The following NAV2 variants were observed in gnomAD, a reference collection of about 807,000 sequenced individuals.
NAV2 encodes the protein neuron navigator 2.
NAV2 carries 54 observed loss-of-function variants against 223.2 expected under a neutral mutation model. That is an observed-to-expected ratio of 0.24 (90% CI 0.19 to 0.30). NAV2 has a LOEUF of 0.30. Among genes scored for constraint, NAV2 ranks in the 10% least tolerant of loss-of-function variants. The pLI is 1.00. For synonymous variants in NAV2, 1,279 were observed against 1,239.3 expected (o/e 1.03, Z -0.67); for missense variants, 2,806 against 3,147.5 (o/e 0.89, Z 2.60).
At chr11:19,978,131 G>GT (rs1555177101) in intron 10 of NAV2, among the ~76,000 whole-genome samples, 33 of 150,408 alleles carry the variant, frequency 2.2e-4, no homozygotes, top group African/African-American at 6.6e-4. Flanking sequence ...AGCAAGGTCA[G>GT]TTTTTTTTTC....
intron 1 of NAV2, among the ~76,000 whole-genome samples, chr11:19,723,476 G>A (rs1163231633): frequency 6.6e-6 from 1 of 152,168 alleles, no homozygotes. Flanking sequence ...ATTGAAGGAG[G>A]CCTGAGTCCC....
intron 3 of NAV2, among the ~76,000 whole-genome samples, chr11:19,865,869 TC>T (rs2062057808): frequency 1.2e-5 from 1 of 84,462 alleles, no homozygotes; most frequent in Non-Finnish European, 2.6e-5. Flanking sequence ...GTGCTCTGAT[TC>T]TTCTAGAGAA....
At position 20,100,932 on chromosome 11, in the gene NAV2, T is replaced by C; in HGVS notation, c.6182-5T>C. On this transcript the variant is annotated splice_region_variant and splice_polypyrimidine_tract_variant and intron_variant, in intron 31 of 37. Coordinates refer to ENST00000349880, the MANE Select transcript of NAV2 (RefSeq NM_145117.5). ...TCAGATGATTCCTGTCTCTCTCAAA[T>C]GCAGGGCTCGCAGAAAACAGCCTGG... 2 of 1,613,308 alleles carry C rather than the reference T, an allele frequency of 1.2e-6. No homozygotes were observed. The highest frequency in any genetic ancestry group is 1.7e-6 in the Non-Finnish European group (2 of 1,179,288).
In NAV2 at chr11:19,713,558, A is replaced by T; in HGVS notation, c.-138A>T. The T allele has an allele frequency of 2.3e-6, 3 of 1,287,134 alleles. No individual in the cohort carries two copies. The highest frequency in any genetic ancestry group is 2.0e-6 in the Non-Finnish European group (2 of 997,270). 79.7% of individuals were successfully genotyped at this position (1,287,134 alleles called of 1,614,324 possible). A position where few individuals can be genotyped will look rare whatever the true frequency, so the allele number is the denominator to read the frequency against. ...TTGCTTCGAGTTCCCCGACCTGGGG[A>T]TTTTTTTTTTAGCCGCTGGTGGTGG... On this transcript the variant is annotated 5_prime_UTR_variant, in exon 1 of 38. Coordinates refer to ENST00000349880, the MANE Select transcript of NAV2 (RefSeq NM_145117.5). This position sits in a 1 kb window ranked among gnomAD's most constrained non-coding sequence, Gnocchi z 7.2.
intron 36 of NAV2, among the ~76,000 whole-genome samples, chr11:20,108,424 C>A (rs1212091603): frequency 6.6e-6 from 1 of 152,076 alleles, no homozygotes; most frequent in African/African-American, 2.4e-5. Context: ...TCCTGCCTGA[C>A]AGCAGTTGGA....
intron 1 of NAV2, among the ~76,000 whole-genome samples, chr11:19,463,696 G>T (rs1480752757): frequency 2.0e-5 from 3 of 152,202 alleles, no homozygotes; most frequent in Non-Finnish European, 4.4e-5. Flanking sequence ...ACAAATAGTA[G>T]TTAATTATGT....
intron 1 of NAV2, among the ~76,000 whole-genome samples, chr11:19,733,981 G>A (rs554158013): frequency 6.6e-6 from 1 of 152,126 alleles, no homozygotes. Flanking sequence ...TATAGGAAAG[G>A]TACTGTAATT....
At chr11:19,350,536 G>A (rs914982258), upstream of NAV2, among the ~76,000 whole-genome samples, 1 of 152,198 alleles carries the variant, frequency 6.6e-6, no homozygotes, top group Non-Finnish European at 1.5e-5. Context: ...GCAGCTTGGT[G>A]GATTAAATGC....
intron 1 of NAV2, among the ~76,000 whole-genome samples, chr11:19,806,584 TAAC>T (rs2058574444): frequency 6.6e-6 from 1 of 152,236 alleles, no homozygotes; most frequent in Admixed American, 6.5e-5. Flanking sequence ...TGCTTCTTGT[TAAC>T]TACTAGACCT....
Position 20,065,694 on chromosome 11 carries a change from C to T in NAV2, c.4885-2492C>T, listed in dbSNP as rs149899598. Among the ~76,000 whole-genome samples, 335 of 152,308 alleles carry T rather than the reference C, an allele frequency of 2.2e-3. 2 individuals carry two copies. Among genetic ancestry groups the T allele is most frequent in the African/African-American group, 5.1e-3 (210 of 41,570 alleles). On this transcript the variant is annotated intron_variant, in intron 20 of 37. Transcript: ENST00000349880. ...GGGCCCAACCCCAGAGACAGGTGGG[C>T]ACAGTGACAGACAGTGGCAGAGGCA...
At chr11:19,823,529 C>T (rs1277498264) in intron 1 of NAV2, among the ~76,000 whole-genome samples, 1 of 152,012 alleles carries the variant, frequency 6.6e-6, no homozygotes, top group African/African-American at 2.4e-5. Flanking sequence ...TTTGTAGAGA[C>T]AGGGTTTCAC....
chr11:19,393,959 A>G (rs911116153), intron 1 of NAV2, among the ~76,000 whole-genome samples: 1 of 138,654 alleles, frequency 7.2e-6, no homozygotes, highest in Non-Finnish European at 1.5e-5. Flanking sequence ...ACTCATGTAG[A>G]CTGTTGTATC....
chr11:19,612,095 G>A (rs2135339493), intron 1 of NAV2, among the ~76,000 whole-genome samples: 1 of 152,348 alleles, frequency 6.6e-6, no homozygotes, highest in South Asian at 2.1e-4. Context: ...AAGGCTTGGA[G>A]CTTCCACCCT....
At chr11:19,875,214 G>C (rs1009431116) in intron 4 of NAV2, among the ~76,000 whole-genome samples, 1 of 152,106 alleles carries the variant, frequency 6.6e-6, no homozygotes. Context: ...ACTTACTGTA[G>C]GGTTATGTCC....
At chr11:19,729,455 G>T (rs918956912) in intron 1 of NAV2, among the ~76,000 whole-genome samples, 6 of 152,178 alleles carry the variant, frequency 3.9e-5, no homozygotes, top group Non-Finnish European at 7.3e-5. Flanking sequence ...TGAGAATCCT[G>T]GTGAAATATA....
intron 5 of NAV2, among the ~76,000 whole-genome samples, chr11:19,885,991 T>C (rs1181346391): frequency 1.3e-5 from 2 of 152,168 alleles, no homozygotes; most frequent in Admixed American, 6.5e-5. Flanking sequence ...TCTCAGACTC[T>C]TGTGTATTGA....
At chr11:20,077,946 T>TGTACAGAGTTCAACTGAA in intron 23 of NAV2, 47 bp from the exon 24 acceptor site, 1 of 1,467,646 alleles carries the variant, frequency 6.8e-7, no homozygotes, top group Non-Finnish European at 9.5e-7. Context: ...AGTTGAACTC[T>TGTACAGAGTTCAACTGAA]GTACAGAATG....
chr11:19,931,465 C>A (rs188178598), intron 6 of NAV2, among the ~76,000 whole-genome samples: 1 of 152,158 alleles, frequency 6.6e-6, no homozygotes, highest in African/African-American at 2.4e-5. Context: ...TGAGCTCTCA[C>A]GGCACGGTGC....
intron 20 of NAV2, among the ~76,000 whole-genome samples, chr11:20,067,292 G>A (rs2059109611): frequency 6.6e-6 from 1 of 152,100 alleles, no homozygotes; most frequent in Admixed American, 6.5e-5. Flanking sequence ...TGCTCCCACT[G>A]TGGTGTCCTA....
Sources: allele counts gnomAD v4.1 joint callset (sites outside exome capture counted in the v4.1 genomes callset), GRCh38; gene constraint gnomAD v4.1.1; non-coding constraint Gnocchi (gnomAD v3.1); transcripts MANE v1.5; gene names NCBI Gene and HGNC (gene_info 2026-07-23, HGNC 2026-07-21).